OPCML: variants seen among roughly 807,000 people sequenced by gnomAD.
OPCML encodes opioid binding protein/cell adhesion molecule like.
Under a neutral mutation model 37.8 loss-of-function variants are expected in OPCML, and 13 were observed. The ratio of observed to expected loss-of-function variants is 0.34; its 90% CI spans 0.22 to 0.55. The LOEUF (loss-of-function observed/expected upper bound fraction) is 0.55. OPCML is among the 20% of genes least tolerant of loss of function. The pLI, the probability that OPCML is intolerant of heterozygous loss-of-function variation, is 0.91. For synonymous variants in OPCML, 176 were observed against 168.8 expected (o/e 1.04, Z -0.33); for missense variants, 341 against 435.6 (o/e 0.78, Z 1.93).
chr11:132,856,568 C>T (rs939433513), intron 2 of OPCML, among the ~76,000 whole-genome samples: 1 of 152,172 alleles, frequency 6.6e-6, no homozygotes, highest in African/African-American at 2.4e-5. Flanking sequence ...TGATCAGTAG[C>T]TTCCCGATAA....
chr11:133,532,224 T>C, intron 1 of OPCML, 40 bp downstream of exon 1: 1 of 1,606,766 alleles, frequency 6.2e-7, no homozygotes, highest in South Asian at 1.1e-5. Flanking sequence ...CGTCGTACAA[T>C]CACCCCAGGG....
intron 1 of OPCML, among the ~76,000 whole-genome samples, chr11:133,216,001 G>A (rs1307451370): frequency 6.6e-6 from 1 of 152,136 alleles, no homozygotes; most frequent in Admixed American, 6.5e-5. Flanking sequence ...AGGAGGGGGT[G>A]GGAGGCAGGT....
At chr11:133,265,444 G>A (rs1941627953) in intron 1 of OPCML, among the ~76,000 whole-genome samples, 1 of 152,196 alleles carries the variant, frequency 6.6e-6, no homozygotes, top group Non-Finnish European at 1.5e-5. Context: ...CTCTGCTACT[G>A]CAACTTCCTG....
chr11:133,042,704 C>T (rs941863572), intron 1 of OPCML, among the ~76,000 whole-genome samples: 1 of 152,138 alleles, frequency 6.6e-6, no homozygotes, highest in African/African-American at 2.4e-5. Flanking sequence ...CAGGGAACCA[C>T]AGGGGTAGAC....
At chr11:132,933,149 G>C (rs555437961) in intron 2 of OPCML, among the ~76,000 whole-genome samples, 5 of 152,296 alleles carry the variant, frequency 3.3e-5, no homozygotes, top group Non-Finnish European at 7.4e-5. Flanking sequence ...GGACCTCATA[G>C]TGAGATCTTG....
At chr11:133,078,756 A>T in intron 1 of OPCML, among the ~76,000 whole-genome samples, 1 of 152,148 alleles carries the variant, frequency 6.6e-6, no homozygotes, top group East Asian at 1.9e-4. Flanking sequence ...ATCAGGCACA[A>T]GAGGGCGCTC....
intron 4 of OPCML, among the ~76,000 whole-genome samples, chr11:132,464,344 C>T (rs2508969): frequency 0.13 from 19,722 of 152,174 alleles, 1,725 homozygotes; most frequent in East Asian, 0.34. Context: ...CTTCACACCA[C>T]GTGACATTAT....
intron 1 of OPCML, chr11:133,439,378 T>C: frequency 1.0e-6 from 1 of 984,500 alleles, no homozygotes; most frequent in Non-Finnish European, 1.2e-6. Context: ...CCTAGATGAG[T>C]TTATAGGAAA....
rs149489952 is a variant in OPCML at position 133,184,293 on chromosome 11, G to A, written c.62-241283C>T. ...GAAAAAAGGTAACTGCTGTAACTGAGGACAAGGCAGTACAACGTGCACGTG... is the reference window on the plus strand; with the variant it reads ...GAAAAAAGGTAACTGCTGTAACTGAAGACAAGGCAGTACAACGTGCACGTG... On this transcript the variant is annotated intron_variant, in intron 1 of 7. Coordinates refer to ENST00000524381, the MANE Select transcript of OPCML (RefSeq NM_001012393.5). Among the ~76,000 whole-genome samples the A allele has an allele frequency of 5.4e-4, 82 of 152,338 alleles. No homozygotes were observed. In the Middle Eastern group the frequency reaches 0.01, roughly 19 times the overall value.
chr11:132,872,246 A>G (rs965419), intron 2 of OPCML, among the ~76,000 whole-genome samples: 18,264 of 152,248 alleles, frequency 0.12, 1,334 homozygotes, highest in South Asian at 0.3. Flanking sequence ...TAACCTGCAT[A>G]TAACTCTACA....
chr11:133,031,143 C>T (rs1947660802), intron 1 of OPCML, among the ~76,000 whole-genome samples: 1 of 152,052 alleles, frequency 6.6e-6, no homozygotes, highest in Non-Finnish European at 1.5e-5. Context: ...GCAAAAAGTA[C>T]CTCTTCAAGA....
chr11:132,622,850 A>C (rs1939503888), intron 3 of OPCML, among the ~76,000 whole-genome samples: 1 of 152,228 alleles, frequency 6.6e-6, no homozygotes, highest in African/African-American at 2.4e-5. Context: ...ATCTCCATGC[A>C]GTGGACAGGA....
intron 3 of OPCML, among the ~76,000 whole-genome samples, chr11:132,623,768 G>T (rs935337792): frequency 6.6e-6 from 1 of 152,124 alleles, no homozygotes; most frequent in South Asian, 2.1e-4. Flanking sequence ...ACATTAAGAT[G>T]ATGACAGTAA....
At chr11:133,340,236 C>A (rs955397376) in intron 1 of OPCML, among the ~76,000 whole-genome samples, 1 of 152,200 alleles carries the variant, frequency 6.6e-6, no homozygotes, top group Non-Finnish European at 1.5e-5. Flanking sequence ...TTGGAATCAA[C>A]TTCCAGGCTC....
At chr11:132,719,679 G>T (rs1447203638) in intron 2 of OPCML, among the ~76,000 whole-genome samples, 1 of 152,212 alleles carries the variant, frequency 6.6e-6, no homozygotes, top group Admixed American at 6.5e-5. Context: ...GATAGGGAGA[G>T]AGGCAAGCAG....
intron 1 of OPCML, among the ~76,000 whole-genome samples, chr11:132,960,929 G>A (rs1003312105): frequency 1.3e-5 from 2 of 152,180 alleles, no homozygotes; most frequent in Non-Finnish European, 2.9e-5. Context: ...TGATGCTGAG[G>A]ACACAGCGGG....
chr11:133,239,989 C>G (rs1940663885), intron 1 of OPCML, among the ~76,000 whole-genome samples: 1 of 151,778 alleles, frequency 6.6e-6, no homozygotes, highest in Non-Finnish European at 1.5e-5. Context: ...GTATTTTGCC[C>G]TAGAGGGAAA....
At chr11:133,122,397 C>T (rs1307047126) in intron 1 of OPCML, among the ~76,000 whole-genome samples, 1 of 151,632 alleles carries the variant, frequency 6.6e-6, no homozygotes, top group African/African-American at 2.4e-5. Flanking sequence ...GCAGTGTCAT[C>T]CTGCTGGCTA....
chr11:133,314,157 C>T (rs1943140588), intron 1 of OPCML, among the ~76,000 whole-genome samples: 2 of 138,350 alleles, frequency 1.4e-5, no homozygotes, highest in Admixed American at 8.1e-5. Context: ...ATGGCGTGAA[C>T]CCAGGAGTCG....
Sources: gnomAD v4.1 joint callset for allele counts (sites outside exome capture counted in the v4.1 genomes callset) on GRCh38, gnomAD v4.1.1 for gene constraint, MANE v1.5 for transcripts, NCBI Gene and HGNC (gene_info 2026-07-23, HGNC 2026-07-21) for gene names.